Variants in ZNF451 observed in about 807,000 individuals in gnomAD.
ZNF451 encodes E3 SUMO-protein ligase ZNF451.
ZNF451 carries 80 observed loss-of-function variants against 107.1 expected under a neutral mutation model. The observed-to-expected ratio is 0.75, with a 90% CI of 0.62 to 0.90. The LOEUF (loss-of-function observed/expected upper bound fraction) is 0.90, where lower values mean the gene tolerates loss of function less well. Ranked by LOEUF, ZNF451 falls within the 40% of genes least tolerant of loss-of-function variation. The pLI, the probability that ZNF451 is intolerant of heterozygous loss-of-function variation, is 0.00. For missense variants in ZNF451, 1,107 were observed against 1,236.2 expected, an observed-to-expected ratio of 0.90 and a Z score of 1.57; for synonymous variants, 362 against 406.5, an observed-to-expected ratio of 0.89 and a Z score of 1.32.
chr6:57,160,436 C>T (rs951872236), intron 13 of ZNF451, among the ~76,000 whole-genome samples: 3 of 152,054 alleles, frequency 2.0e-5, no homozygotes, highest in South Asian at 2.1e-4. Context: ...CAGGTTCAAG[C>T]GATCTTCCTA....
At position 57,142,078 on chromosome 6, in the gene ZNF451, G is replaced by C; in HGVS notation, c.987G>C (p.Glu329Asp). The C allele has an allele frequency of 3.1e-6, 5 of 1,612,832 alleles. No individual in the cohort carries two copies. Among genetic ancestry groups the C allele is most frequent in the Non-Finnish European group, 4.2e-6 (5 of 1,178,990 alleles). ...ACAAGACACTGCGTTCCCACATGGA[G>C]CTCACTGCCCATTTCAGGTTTGTAT... ...ACHKTLRSHM[E>D]LTAHFRVHCR... The change falls in exon 9 of 15, where the codon GAG (glutamate) becomes GAC (aspartate). Residue 329 changes from glutamate (E) to aspartate (D), a missense_variant. By Grantham distance (45) the Glu-to-Asp change is conservative. Around this residue, in one of 5 missense-constraint regions of ZNF451, gnomAD observed 339 missense variants for 372.8 expected, o/e 0.91. Coordinates refer to ENST00000370706, the MANE Select transcript of ZNF451 (RefSeq NM_001031623.3).
rs1831750559 is a variant in ZNF451, at chr6:57,141,391, A to G, written c.792A>G (p.Arg264=). Residue 264 remains arginine (R), a synonymous_variant, in exon 8 of 15, where the codon AGA becomes AGG. Transcript: ENST00000370706. The part of the protein sequence containing the change: ...ACPNCFLLFS[R]KEECSKHMSG... The stretch of plus-strand genomic sequence containing the variant: ...CAAATTGCTTCCTTCTTTTTAGCAG[A>G]AAGGAGGAGTGTTCAAAGCATATGT... 2 of 1,613,420 alleles carry G rather than the reference A, an allele frequency of 1.2e-6. No individual in the cohort carries two copies. The highest frequency in any genetic ancestry group is 1.7e-5 in the Admixed American group (1 of 59,992).
In ZNF451 at chr6:57,152,245, C is replaced by T. The variant is rs548892859; in HGVS notation, c.2777C>T (p.Pro926Leu). The change falls in exon 12 of 15, where the codon CCG becomes CTG. Residue 926 changes from proline to leucine, a missense_variant. Physicochemically the swap from Pro to Leu is moderately conservative, Grantham distance 98. This residue lies in a region of ZNF451 where 151 missense variants were observed against 173.3 expected (regional missense o/e 0.87). Coordinates refer to ENST00000370706, the MANE Select transcript of ZNF451 (RefSeq NM_001031623.3). ...FQGGNTNWKP[P>L]LNCKIYNYLN... ...GGAGGAAACACCAATTGGAAGCCTC[C>T]GCTCAACTGTAAGATTTATAACTAC... 3.7e-5 allele frequency: 60 copies of T among 1,613,184 alleles called. No individual in the cohort carries two copies. Among genetic ancestry groups the T allele is most frequent in the Non-Finnish European group, 4.0e-5 (47 of 1,179,596 alleles).
intron 3 of ZNF451, chr6:57,101,005 C>T: frequency 5.2e-6 from 8 of 1,550,646 alleles, no homozygotes; most frequent in Non-Finnish European, 7.0e-6. Context: ...CCGAGTGATA[C>T]GTGATCTGCA....
intron 3 of ZNF451, among the ~76,000 whole-genome samples, chr6:57,123,345 T>C (rs1431757280): frequency 1.3e-5 from 2 of 152,214 alleles, no homozygotes; most frequent in African/African-American, 4.8e-5. Context: ...ATGAAATCAT[T>C]ATGCAAAGGT....
At chr6:57,138,143 T>C (rs1831525955) in intron 7 of ZNF451, among the ~76,000 whole-genome samples, 2 of 152,188 alleles carry the variant, frequency 1.3e-5, no homozygotes, top group Non-Finnish European at 2.9e-5. Context: ...CCTTTTTAAT[T>C]TTTTTGAAGA....
chr6:57,093,584 T>G (rs1829151341), intron 2 of ZNF451, among the ~76,000 whole-genome samples: 1 of 152,238 alleles, frequency 6.6e-6, no homozygotes, highest in Admixed American at 6.5e-5. Flanking sequence ...GTGAGAAGTA[T>G]GTAAATAGTC....
At chr6:57,136,157 G>A (rs1831416037) in intron 7 of ZNF451, among the ~76,000 whole-genome samples, 1 of 152,140 alleles carries the variant, frequency 6.6e-6, no homozygotes. Context: ...AGGCACTGTA[G>A]TAGGGTAGTC....
At chr6:57,102,952 C>A (rs1829675880) in intron 3 of ZNF451, 1 of 985,442 alleles carries the variant, frequency 1.0e-6, no homozygotes, top group African/African-American at 1.7e-5. Flanking sequence ...AGCTGTAAGA[C>A]TGAGTCATGG....
At chr6:57,161,903 T>G (rs1037239475) in intron 14 of ZNF451, among the ~76,000 whole-genome samples, 1 of 152,220 alleles carries the variant, frequency 6.6e-6, no homozygotes, top group Non-Finnish European at 1.5e-5. Context: ...AAGGAAAAGC[T>G]ATTTCCTTCC....
chr6:57,113,083 A>G (rs1468612005), intron 3 of ZNF451, among the ~76,000 whole-genome samples: 1 of 152,024 alleles, frequency 6.6e-6, no homozygotes, highest in Non-Finnish European at 1.5e-5. Context: ...TGGGGTACAG[A>G]TTATTTTGTC....
At chr6:57,131,857 C>T (rs138580725) in intron 5 of ZNF451, among the ~76,000 whole-genome samples, 354 of 152,244 alleles carry the variant, frequency 2.3e-3, no homozygotes, top group African/African-American at 8.2e-3. Context: ...ATCAAACTGT[C>T]TGTGAATCAG....
At chr6:57,105,633 T>G (rs1829816939) in intron 3 of ZNF451, 1 of 985,406 alleles carries the variant, frequency 1.0e-6, no homozygotes, top group Non-Finnish European at 1.2e-6. Flanking sequence ...GTAGTTCCTT[T>G]TTGTTATTAG....
Position 57,147,157 on chromosome 6 carries a change from T to C in ZNF451, c.1072T>C (p.Phe358Leu). Residue 358 changes from phenylalanine to leucine, a missense_variant, in exon 10 of 15, where the codon TTC becomes CTC. Around this residue, in one of 5 missense-constraint regions of ZNF451, gnomAD observed 608 missense variants for 649.2 expected, o/e 0.94. Transcript: ENST00000370706. ...GAGCATTACCCAGGTTGCAGAGAAA[T>C]TCATATTAAGAGGTTATTGTCCAGA... is the stretch of plus-strand genomic sequence containing the variant. ...EKSITQVAEK[F>L]ILRGYCPDCN... 1 of 1,614,000 alleles carries C rather than the reference T, an allele frequency of 6.2e-7. No individual in the cohort carries two copies. Among genetic ancestry groups the C allele is most frequent in the Non-Finnish European group, 8.5e-7 (1 of 1,179,936 alleles).
At chr6:57,095,785 C>A (rs191095416) in intron 2 of ZNF451, among the ~76,000 whole-genome samples, 1 of 151,798 alleles carries the variant, frequency 6.6e-6, no homozygotes, top group East Asian at 1.9e-4. Flanking sequence ...CTTACTCCTT[C>A]CCTTTAAATA....
At chr6:57,099,551 G>C (rs1288494324) in intron 3 of ZNF451, 1 of 715,666 alleles carries the variant, frequency 1.4e-6, no homozygotes, top group Non-Finnish European at 2.6e-6. Flanking sequence ...AGGATATGTA[G>C]AGATCCTTTT....
chr6:57,134,595 A>G (rs1831341215), intron 6 of ZNF451, 149 bp from the exon 7 acceptor site: 1 of 597,922 alleles, frequency 1.7e-6, no homozygotes. Flanking sequence ...TATTTACTGT[A>G]TATGAAGAAC....
intron 2 of ZNF451, chr6:57,092,983 C>T (rs1829120540): frequency 6.6e-6 from 1 of 152,200 alleles, no homozygotes; most frequent in Non-Finnish European, 1.5e-5. Context: ...TGCAAAGCCT[C>T]ATACATCTAT....
intron 3 of ZNF451, chr6:57,106,096 C>T (rs1293317656): frequency 1.0e-6 from 1 of 985,298 alleles, no homozygotes; most frequent in Non-Finnish European, 1.2e-6. Context: ...GGACCTGATA[C>T]ATCCAGGATA....
Sources: allele counts gnomAD v4.1 joint callset (sites outside exome capture counted in the v4.1 genomes callset), GRCh38; gene constraint gnomAD v4.1.1; regional missense constraint gnomAD v4.1.1; transcripts MANE v1.5; gene names NCBI Gene and HGNC (gene_info 2026-07-23, HGNC 2026-07-21).